The following PAAF1 variants were observed in gnomAD, a reference collection of about 807,000 sequenced individuals.
The protein encoded by PAAF1 is proteasomal ATPase associated factor 1, also known as proteasomal ATPase-associated factor 1.
Under a neutral mutation model 52.8 loss-of-function variants are expected in PAAF1, and 46 were observed. That is an observed-to-expected ratio of 0.87 (90% confidence interval 0.69 to 1.11). The LOEUF (loss-of-function observed/expected upper bound fraction) is 1.11, where lower values mean the gene tolerates loss of function less well. Ranked by LOEUF, PAAF1 falls within the 50% of genes most tolerant of loss-of-function variation. The probability of loss-of-function intolerance (pLI) is 0.00; values close to 1 mark genes in which losing one functional copy is unlikely to be tolerated. For synonymous variants in PAAF1, 178 were observed against 172.8 expected, an observed-to-expected ratio of 1.03 and a Z score of -0.24; for missense variants, 424 against 477.4, an observed-to-expected ratio of 0.89 and a Z score of 1.04.
In PAAF1 at chr11:73,914,444, G is replaced by T. The variant is rs1281333319; in HGVS notation, c.759G>T (p.Met253Ile). ...GGGAGGTTGGAACAGAGGCCAAAATGCTGCTCTTGGCCCGGGAAGATAAGA... is the reference window on the plus strand; with the variant it reads ...GGGAGGTTGGAACAGAGGCCAAAATTCTGCTCTTGGCCCGGGAAGATAAGA... ...SEREVGTEAK[M>I]LLLAREDKKL... is the part of the protein sequence containing the mutation. Residue 253 changes from methionine (M) to isoleucine (I), a missense_variant, in exon 8 of 12, where the codon ATG (methionine) becomes ATT (isoleucine). Physicochemically the swap from Met to Ile is conservative, Grantham distance 10. Coordinates refer to ENST00000310571, the MANE Select transcript of PAAF1 (RefSeq NM_025155.3). 1 of 1,614,038 alleles carries T rather than the reference G, an allele frequency of 6.2e-7. No homozygotes were observed. Among genetic ancestry groups the T allele is most frequent in the Middle Eastern group, 1.7e-4 (1 of 6,052 alleles).
intron 6 of PAAF1, among the ~76,000 whole-genome samples, chr11:73,907,154 T>A (rs1949783000): frequency 6.6e-6 from 1 of 152,120 alleles, no homozygotes; most frequent in Admixed American, 6.6e-5. Context: ...TTCCTGAGGC[T>A]AGGGACCATA....
At chr11:73,915,659 A>G (rs573188130) in intron 8 of PAAF1, among the ~76,000 whole-genome samples, 1 of 152,326 alleles carries the variant, frequency 6.6e-6, no homozygotes, top group African/African-American at 2.4e-5. Flanking sequence ...TGAACAGACC[A>G]TTAGTTGAAG....
chr11:73,923,055 T>TG (rs1950266248), intron 10 of PAAF1, among the ~76,000 whole-genome samples: 1 of 152,184 alleles, frequency 6.6e-6, no homozygotes, highest in African/African-American at 2.4e-5. Context: ...CCCATTCCCT[T>TG]GCATTCCTCA....
chr11:73,925,112 G>A (rs985657550), intron 11 of PAAF1, among the ~76,000 whole-genome samples: 1 of 144,566 alleles, frequency 6.9e-6, no homozygotes, highest in African/African-American at 2.6e-5. Flanking sequence ...CCTCAAGATC[G>A]TACCACTACA....
intron 10 of PAAF1, chr11:73,922,065 T>C: frequency 3.5e-6 from 3 of 850,636 alleles, no homozygotes; most frequent in South Asian, 2.6e-5. Flanking sequence ...GATGGCTTCA[T>C]CCACAGTATC....
chr11:73,899,813 G>T (rs961320941), intron 5 of PAAF1, among the ~76,000 whole-genome samples: 1 of 152,162 alleles, frequency 6.6e-6, no homozygotes, highest in Non-Finnish European at 1.5e-5. Context: ...GTCTAAGTGG[G>T]TGTGCCCTTG....
chr11:73,897,130 G>A (rs1233947403), intron 4 of PAAF1, among the ~76,000 whole-genome samples: 1 of 144,292 alleles, frequency 6.9e-6, no homozygotes, highest in East Asian at 2.1e-4. Flanking sequence ...AGTAGGGGCG[G>A]CCGGGCAGAG....
At chr11:73,915,548 C>T (rs1445679505) in intron 8 of PAAF1, among the ~76,000 whole-genome samples, 1 of 152,188 alleles carries the variant, frequency 6.6e-6, no homozygotes, top group Non-Finnish European at 1.5e-5. Context: ...GTCGAGGCTG[C>T]AGTGAGCCAA....
chr11:73,925,392 G>A (rs1385329598), intron 11 of PAAF1, among the ~76,000 whole-genome samples: 1 of 151,544 alleles, frequency 6.6e-6, no homozygotes, highest in Non-Finnish European at 1.5e-5. Flanking sequence ...CTTGGGCCTG[G>A]GAAGTTGAGG....
At chr11:73,904,549 C>T (rs1949707482) in intron 6 of PAAF1, among the ~76,000 whole-genome samples, 1 of 152,090 alleles carries the variant, frequency 6.6e-6, no homozygotes, top group African/African-American at 2.4e-5. Context: ...AGTATCAGCA[C>T]TTGCGCCATT....
chr11:73,893,385 A>C (rs1949248892), intron 4 of PAAF1, among the ~76,000 whole-genome samples: 1 of 152,184 alleles, frequency 6.6e-6, no homozygotes, highest in Non-Finnish European at 1.5e-5. Context: ...ATATAAATTA[A>C]TTAAATCTTA....
intron 7 of PAAF1, among the ~76,000 whole-genome samples, chr11:73,911,308 G>A (rs920051087): frequency 2.0e-5 from 3 of 151,976 alleles, no homozygotes; most frequent in East Asian, 1.9e-4. Context: ...TCACCCTCTC[G>A]AGTAGCTAGG....
chr11:73,920,545 A>T (rs1029954610), intron 10 of PAAF1, among the ~76,000 whole-genome samples: 2 of 151,898 alleles, frequency 1.3e-5, no homozygotes, highest in Non-Finnish European at 2.9e-5. Flanking sequence ...TAATTTTTTC[A>T]ATTAAAAAAA....
At chr11:73,899,408 C>CTTTTTTTT (rs71065053) in intron 5 of PAAF1, among the ~76,000 whole-genome samples, 164 bp downstream of exon 5, 136 of 101,172 alleles carry the variant, frequency 1.3e-3, no homozygotes, top group Non-Finnish European at 1.8e-3. Flanking sequence ...TTCTTTTTCT[C>CTTTTTTTT]TTTTTTTTTT....
chr11:73,914,658 T>C lies in PAAF1; in HGVS notation c.819+154T>C, dbSNP rs535747200. Among the ~76,000 whole-genome samples, 3 of 152,042 alleles carry C rather than the reference T, an allele frequency of 2.0e-5. No individual in the cohort carries two copies. In the East Asian group the frequency reaches 5.8e-4, roughly 29 times the overall value. On this transcript the variant is annotated intron_variant, in intron 8 of 11. Coordinates refer to ENST00000310571, the MANE Select transcript of PAAF1 (RefSeq NM_025155.3). The stretch of plus-strand genomic sequence containing the variant: ...GCAGTACAGTGTAATGATTAAGAGT[T>C]GTGGGATTTGGAATAAGGGCAACAT...
intron 6 of PAAF1, among the ~76,000 whole-genome samples, chr11:73,906,956 C>A (rs993219817): frequency 6.6e-6 from 1 of 152,194 alleles, no homozygotes; most frequent in South Asian, 2.1e-4. Context: ...CAAATACTAG[C>A]CCTGCCTGGA....
intron 2 of PAAF1, chr11:73,880,030 C>G (rs1274214045): frequency 2.0e-5 from 3 of 152,044 alleles, no homozygotes; most frequent in Non-Finnish European, 4.4e-5. Context: ...TTGAGACCAG[C>G]CTGGGAGACA....
At chr11:73,886,157 TC>T (rs774144898) in intron 2 of PAAF1, among the ~76,000 whole-genome samples, 4 of 152,210 alleles carry the variant, frequency 2.6e-5, no homozygotes, top group Non-Finnish European at 5.9e-5. Flanking sequence ...AAATCAGTAT[TC>T]TACTTAGGCA....
At chr11:73,920,145 G>A (rs181644457) in intron 10 of PAAF1, among the ~76,000 whole-genome samples, 19 of 152,044 alleles carry the variant, frequency 1.2e-4, no homozygotes, top group African/African-American at 3.4e-4. Context: ...ACTGATTAAG[G>A]GCATATGGGA....
Sources: allele counts gnomAD v4.1 joint callset (sites outside exome capture counted in the v4.1 genomes callset), GRCh38; gene constraint gnomAD v4.1.1; transcripts MANE v1.5; gene names NCBI Gene and HGNC (gene_info 2026-07-23, HGNC 2026-07-21).